LRP1B: variants seen among roughly 807,000 people sequenced by gnomAD.
LRP1B encodes low-density lipoprotein receptor-related protein 1B.
LRP1B carries 217 observed loss-of-function variants against 556.6 expected under a neutral mutation model. The ratio of observed to expected loss-of-function variants is 0.39; its 90% CI spans 0.35 to 0.44. LRP1B has a LOEUF of 0.44. LRP1B is among the 20% of genes least tolerant of loss of function. The probability of loss-of-function intolerance (pLI) is 1.00; values close to 1 mark genes in which losing one functional copy is unlikely to be tolerated. For missense variants in LRP1B, 5,053 were observed against 5,620.8 expected (o/e 0.90, Z 3.23); for synonymous variants, 2,047 against 1,865.8 (o/e 1.10, Z -2.50).
intron 24 of LRP1B, 38 bp downstream of exon 24, chr2:140,886,100 A>G (rs773941241): frequency 3.0e-5 from 38 of 1,282,776 alleles, no homozygotes; most frequent in Non-Finnish European, 3.9e-5. Context: ...CACTTAAAAA[A>G]GTAATCTAAA....
chr2:140,387,503 G>A (rs1010668041), intron 66 of LRP1B, among the ~76,000 whole-genome samples: 1 of 151,908 alleles, frequency 6.6e-6, no homozygotes, highest in Non-Finnish European at 1.5e-5. Context: ...AAATGGAAAA[G>A]TAGGAATTTA....
chr2:141,527,466 C>G (rs1684728248), intron 2 of LRP1B, among the ~76,000 whole-genome samples: 1 of 151,712 alleles, frequency 6.6e-6, no homozygotes, highest in South Asian at 2.1e-4. Context: ...TTTAGTAACT[C>G]TTCATTACTT....
At chr2:140,704,743 T>TAC (rs1449131762) in intron 37 of LRP1B, among the ~76,000 whole-genome samples, 1 of 152,162 alleles carries the variant, frequency 6.6e-6, no homozygotes, top group Non-Finnish European at 1.5e-5. Flanking sequence ...GACATGTGCT[T>TAC]ACCTGTCTAA....
At chr2:140,395,248 G>A (rs1270998281) in intron 66 of LRP1B, among the ~76,000 whole-genome samples, 1 of 152,192 alleles carries the variant, frequency 6.6e-6, no homozygotes, top group Non-Finnish European at 1.5e-5. Flanking sequence ...ACTGCCAGAA[G>A]AGTCAGAATC....
At chr2:141,478,266 C>G (rs1460457499) in intron 3 of LRP1B, among the ~76,000 whole-genome samples, 1 of 152,048 alleles carries the variant, frequency 6.6e-6, no homozygotes, top group Non-Finnish European at 1.5e-5. Flanking sequence ...ATCCTTGGCA[C>G]AGAAGTATGT....
At chr2:140,989,696 T>C (rs760094442) in intron 16 of LRP1B, 39 bp from the exon 17 acceptor site, 2 of 1,602,292 alleles carry the variant, frequency 1.2e-6, no homozygotes, top group South Asian at 1.1e-5. Flanking sequence ...TATTTAAAAT[T>C]GGATAAAGTT....
chr2:141,914,412 A>T (rs1276698122), intron 1 of LRP1B, among the ~76,000 whole-genome samples: 4 of 152,094 alleles, frequency 2.6e-5, no homozygotes, highest in Admixed American at 6.6e-5. Context: ...CAAAGAATAA[A>T]TTCCTGACTT....
intron 75 of LRP1B, among the ~76,000 whole-genome samples, chr2:140,353,674 T>A (rs191755498): frequency 6.6e-6 from 1 of 152,214 alleles, no homozygotes; most frequent in East Asian, 1.9e-4. Context: ...CCTTAGTTTC[T>A]CCAGTTTTTG....
rs71391651 is a variant in LRP1B, at chr2:141,464,606, A to ATTTTTTTTTTTTTTTTTTTTTTT, written c.343+15789_343+15790insAAAAAAAAAAAAAAAAAAAAAAA. Among the ~76,000 whole-genome samples the ATTTTTTTTTTTTTTTTTTTTTTT allele has an allele frequency of 1.2e-4, 11 of 90,558 alleles. 1 individual carries two copies. Among genetic ancestry groups the ATTTTTTTTTTTTTTTTTTTTTTT allele is most frequent in the Non-Finnish European group, 1.5e-4 (7 of 45,172 alleles). 59.4% of individuals were successfully genotyped at this position (90,558 alleles called of 152,430 possible). A position where few individuals can be genotyped will look rare whatever the true frequency, so the allele number is the denominator to read the frequency against. On this transcript the variant is annotated intron_variant, in intron 3 of 90. Coordinates refer to ENST00000389484, the MANE Select transcript of LRP1B (RefSeq NM_018557.3). Reference sequence around the variant, plus strand: ...TTTGTATATATATATATATATATATATTTTTTTAGTAGAGATGGGGTTTCA... The same window carrying ATTTTTTTTTTTTTTTTTTTTTTT: ...TTTGTATATATATATATATATATATATTTTTTTTTTTTTTTTTTTTTTTTTTTTTTAGTAGAGATGGGGTTTCA...
intron 3 of LRP1B, among the ~76,000 whole-genome samples, chr2:141,451,689 T>C (rs1173779719): frequency 6.6e-6 from 1 of 152,216 alleles, no homozygotes; most frequent in African/African-American, 2.4e-5. Context: ...TTTGAGAATT[T>C]CAATCCTTTT....
intron 60 of LRP1B, among the ~76,000 whole-genome samples, chr2:140,465,889 G>A (rs1687525285): frequency 6.6e-6 from 1 of 152,020 alleles, no homozygotes; most frequent in South Asian, 2.1e-4. Context: ...TAACTGAATT[G>A]TATTTTGCTC....
intron 7 of LRP1B, among the ~76,000 whole-genome samples, chr2:141,170,748 AT>A: frequency 6.6e-6 from 1 of 152,186 alleles, no homozygotes; most frequent in South Asian, 2.1e-4. Flanking sequence ...AAGGTGTTGC[AT>A]TTTCTATTTA....
At chr2:141,905,861 C>T (rs750935564) in intron 1 of LRP1B, among the ~76,000 whole-genome samples, 1 of 140,292 alleles carries the variant, frequency 7.1e-6, no homozygotes, top group Non-Finnish European at 1.5e-5. Flanking sequence ...GTGTGTGTCT[C>T]TGTGTATATA....
intron 35 of LRP1B, among the ~76,000 whole-genome samples, chr2:140,747,767 G>C (rs1035954556): frequency 2.0e-5 from 3 of 151,960 alleles, no homozygotes; most frequent in Admixed American, 6.6e-5. Flanking sequence ...GTTTAAAAGT[G>C]ACCTGAAACA....
intron 1 of LRP1B, among the ~76,000 whole-genome samples, chr2:142,083,499 C>G (rs1215791782): frequency 6.6e-6 from 1 of 152,094 alleles, no homozygotes; most frequent in Non-Finnish European, 1.5e-5. Context: ...TCTGAAAAGG[C>G]TCTTAGAGTT....
At chr2:140,326,713 GTTTA>G (rs1680502384) in intron 79 of LRP1B, among the ~76,000 whole-genome samples, 2 of 151,410 alleles carry the variant, frequency 1.3e-5, no homozygotes, top group Non-Finnish European at 2.9e-5. Context: ...AAAAAAAAAT[GTTTA>G]TGGTAGGGAA....
intron 2 of LRP1B, among the ~76,000 whole-genome samples, chr2:141,731,022 C>A (rs981562760): frequency 2.0e-5 from 3 of 152,026 alleles, no homozygotes; most frequent in Non-Finnish European, 2.9e-5. Context: ...TGACTCCCAA[C>A]GGGGGGTGTG....
At chr2:140,656,410 G>A (rs965751369) in intron 41 of LRP1B, among the ~76,000 whole-genome samples, 10 of 152,150 alleles carry the variant, frequency 6.6e-5, no homozygotes, top group African/African-American at 2.2e-4. Flanking sequence ...ATTATTGTAA[G>A]TATGATTGAT....
chr2:141,718,098 T>C (rs923650369), intron 2 of LRP1B, among the ~76,000 whole-genome samples: 4 of 152,108 alleles, frequency 2.6e-5, no homozygotes, highest in African/African-American at 9.7e-5. Flanking sequence ...CAGCTATGCA[T>C]TTTTTTCTGG....
Sources: gnomAD v4.1 joint callset for allele counts (sites outside exome capture counted in the v4.1 genomes callset) on GRCh38, gnomAD v4.1.1 for gene constraint, MANE v1.5 for transcripts, NCBI Gene and HGNC (gene_info 2026-07-23, HGNC 2026-07-21) for gene names.